Variants in INTS7 observed in about 807,000 individuals in gnomAD.
INTS7 encodes the protein integrator complex subunit 7, also known as chromosome 1 open reading frame 73.
INTS7 carries 46 observed loss-of-function variants against 109.2 expected under a neutral mutation model. The observed-to-expected ratio is 0.42, with a 90% CI of 0.33 to 0.54. INTS7 has a LOEUF of 0.54. INTS7 is among the 20% of genes least tolerant of loss of function. INTS7 has a pLI of 0.07. For missense variants in INTS7, 929 were observed against 1,132.4 expected (o/e 0.82, Z 2.58); for synonymous variants, 412 against 402.9 (o/e 1.02, Z -0.27).
At chr1:211,991,536 T>C (rs1199863168) in intron 7 of INTS7, among the ~76,000 whole-genome samples, 1 of 152,228 alleles carries the variant, frequency 6.6e-6, no homozygotes, top group Non-Finnish European at 1.5e-5. Flanking sequence ...TTTTGTAGTT[T>C]TGGAATTTTG....
At chr1:212,008,786 A>G (rs1435363805) in intron 5 of INTS7, among the ~76,000 whole-genome samples, 2 of 152,210 alleles carry the variant, frequency 1.3e-5, no homozygotes, top group African/African-American at 4.8e-5. Flanking sequence ...TATTAGTGAA[A>G]GGATTCTATC....
Position 211,966,996 on chromosome 1 carries a change from A to T in INTS7, c.2115-498T>A, listed in dbSNP as rs137967155. Among the ~76,000 whole-genome samples, 816 of 152,284 alleles carry T rather than the reference A, an allele frequency of 5.4e-3. 4 individuals are homozygous for T. The highest frequency in any genetic ancestry group is 0.019 in the African/African-American group (773 of 41,558). ...ATTTTGGGTGTCTCTGTATATATGC[A>T]TTTTGTAGGGCAGAGGGCCCATAGC... On this transcript the variant is annotated intron_variant, in intron 15 of 19. Transcript: ENST00000366994.
In INTS7 at chr1:212,035,499, C is replaced by A; in HGVS notation, c.-62G>T. The A allele has an allele frequency of 8.3e-7, 1 of 1,211,262 alleles. No homozygotes were observed. Among genetic ancestry groups the A allele is most frequent in the Non-Finnish European group, 1.2e-6 (1 of 814,136 alleles). 75.0% of individuals were successfully genotyped at this position (1,211,262 alleles called of 1,614,324 possible). A position where few individuals can be genotyped will look rare whatever the true frequency, so the allele number is the denominator to read the frequency against. On this transcript the variant is annotated 5_prime_UTR_variant, in exon 1 of 20. It removes an upstream start codon present in the reference 5' UTR. Coordinates refer to ENST00000366994, the MANE Select transcript of INTS7 (RefSeq NM_015434.4). ...CTTGCAAACTCTACCCCAGGACCGCCATCTTCCCCCGCCGCCTTCTTGCTG... is the reference window on the plus strand; with the variant it reads ...CTTGCAAACTCTACCCCAGGACCGCAATCTTCCCCCGCCGCCTTCTTGCTG...
chr1:212,029,745 G>A (rs1277315921), intron 1 of INTS7, among the ~76,000 whole-genome samples: 1 of 152,212 alleles, frequency 6.6e-6, no homozygotes, highest in Non-Finnish European at 1.5e-5. Flanking sequence ...TTAGCTAAGA[G>A]ATGAGGATGA....
intron 17 of INTS7, among the ~76,000 whole-genome samples, chr1:211,948,040 C>G (rs1662918531): frequency 6.6e-6 from 1 of 152,208 alleles, no homozygotes; most frequent in East Asian, 1.9e-4. Flanking sequence ...TTTTTCCCAC[C>G]AGCCTGATTG....
At chr1:212,000,417 C>A (rs1665612842) in intron 7 of INTS7, among the ~76,000 whole-genome samples, 1 of 152,152 alleles carries the variant, frequency 6.6e-6, no homozygotes, top group African/African-American at 2.4e-5. Flanking sequence ...ACAGAAAATT[C>A]TGTTATACTT....
chr1:211,947,503 T>C (rs966685583), intron 17 of INTS7, among the ~76,000 whole-genome samples: 17 of 152,184 alleles, frequency 1.1e-4, no homozygotes, highest in Non-Finnish European at 2.2e-4. Flanking sequence ...TTCCTCAGTC[T>C]ACTCCCGTCT....
intron 13 of INTS7, 33 bp downstream of exon 13, chr1:211,975,133 C>A: frequency 6.9e-7 from 1 of 1,455,762 alleles, no homozygotes; most frequent in South Asian, 1.2e-5. Context: ...TCACATAAAT[C>A]ATCACCACCA....
At chr1:211,961,059 C>A (rs183285232) in intron 16 of INTS7, among the ~76,000 whole-genome samples, 157 of 150,980 alleles carry the variant, frequency 1.0e-3, no homozygotes, top group Non-Finnish European at 1.9e-3. Context: ...AAGGAATGAA[C>A]AAAACCTCCG....
At chr1:211,944,670 T>C (rs1188442133) in intron 19 of INTS7, 114 bp downstream of exon 19, 2 of 821,418 alleles carry the variant, frequency 2.4e-6, no homozygotes, top group East Asian at 2.5e-5. Context: ...TATGTCCATC[T>C]GATCCCTTTG....
intron 3 of INTS7, among the ~76,000 whole-genome samples, chr1:212,018,389 G>T (rs1666534342): frequency 6.6e-6 from 1 of 151,834 alleles, no homozygotes; most frequent in African/African-American, 2.4e-5. Flanking sequence ...CATGGAAAAT[G>T]ATTAACATTC....
chr1:211,972,466 T>C (rs1664223747), intron 13 of INTS7, among the ~76,000 whole-genome samples: 1 of 152,180 alleles, frequency 6.6e-6, no homozygotes, highest in Admixed American at 6.5e-5. Context: ...AAATTTTGAA[T>C]TAGGGAGGTT....
intron 15 of INTS7, among the ~76,000 whole-genome samples, chr1:211,966,977 G>A (rs1054369968): frequency 8.5e-5 from 13 of 152,050 alleles, no homozygotes; most frequent in African/African-American, 3.1e-4. Flanking sequence ...GCACATTTTG[G>A]GTGTCTCTGT....
rs1422947415 is a variant in INTS7 at position 211,959,545 on chromosome 1, C to T, written c.2184-6844G>A. Among the ~76,000 whole-genome samples, 1 of 152,174 alleles carries T rather than the reference C, an allele frequency of 6.6e-6. No individual in the cohort carries two copies. Among genetic ancestry groups the T allele is most frequent in the African/African-American group, 2.4e-5 (1 of 41,438 alleles). On this transcript the variant is annotated intron_variant, in intron 16 of 19. Coordinates refer to ENST00000366994, the MANE Select transcript of INTS7 (RefSeq NM_015434.4). The surrounding 1 kb of genome is among the most constrained non-coding windows in gnomAD (Gnocchi z 4.2). ...GGGCCCATGGCCACCCTCGACATTG[C>T]TTTGCCTGCGTGTGCATGGGCAGAT...
chr1:211,975,854 G>C (rs1418866298), intron 12 of INTS7, among the ~76,000 whole-genome samples: 1 of 152,104 alleles, frequency 6.6e-6, no homozygotes, highest in Non-Finnish European at 1.5e-5. Flanking sequence ...CCAAGAGTGT[G>C]TGCTTCTCCC....
At position 211,946,557 on chromosome 1, in the gene INTS7, G is replaced by T; in HGVS notation, c.2415+50C>A. ...GCTATGTCCTACATAATCTTCAGAA[G>T]ACACCTGGTTTTAAAACCTATATTA... On this transcript the variant is annotated intron_variant, in intron 18 of 19. Coordinates refer to ENST00000366994, the MANE Select transcript of INTS7 (RefSeq NM_015434.4). The surrounding 1 kb of genome is among the most constrained non-coding windows in gnomAD (Gnocchi z 4.3). 1 of 1,059,762 alleles carries T rather than the reference G, an allele frequency of 9.4e-7. No homozygotes were observed. The highest frequency in any genetic ancestry group is 1.5e-6 in the Non-Finnish European group (1 of 684,170). 65.6% of individuals were successfully genotyped at this position (1,059,762 alleles called of 1,614,324 possible).
At chr1:212,031,519 A>G (rs1558063162) in intron 1 of INTS7, among the ~76,000 whole-genome samples, 1 of 151,762 alleles carries the variant, frequency 6.6e-6, no homozygotes, top group Non-Finnish European at 1.5e-5. Context: ...ACAACTTTCA[A>G]TGCCTTCCCA....
At position 211,941,551 on chromosome 1, in the gene INTS7, G is replaced by A. The variant is rs1662630310; in HGVS notation, c.*273C>T. The A allele has an allele frequency of 2.8e-6, 1 of 358,914 alleles. No individual in the cohort carries two copies. Among genetic ancestry groups the A allele is most frequent in the East Asian group, 5.5e-5 (1 of 18,212 alleles). 22.2% of individuals were successfully genotyped at this position (358,914 alleles called of 1,614,324 possible). A position where few individuals can be genotyped will look rare whatever the true frequency, so the allele number is the denominator to read the frequency against. ...TTTTTTGTATTTTTTAGTGGAGACG[G>A]GGTTTCACTGTGTTAGCCAGGATGG... is the stretch of plus-strand genomic sequence containing the variant. On this transcript the variant is annotated 3_prime_UTR_variant, in exon 20 of 20. Coordinates refer to ENST00000366994, the MANE Select transcript of INTS7 (RefSeq NM_015434.4).
rs902274603 is a variant in INTS7, at chr1:211,959,648, C to T, written c.2183+6782G>A. Among the ~76,000 whole-genome samples the T allele has an allele frequency of 1.3e-5, 2 of 152,142 alleles. No individual in the cohort carries two copies. The highest frequency in any genetic ancestry group is 6.5e-5 in the Admixed American group (1 of 15,274). On this transcript the variant is annotated intron_variant, in intron 16 of 19. Transcript: ENST00000366994. The surrounding 1 kb of genome is among the most constrained non-coding windows in gnomAD (Gnocchi z 4.2). ...TGGTGCATTCTGCCCCCATTACCCC[C>T]GCATTACCGCCATTGCATTTGGAGC...
Sources: allele counts gnomAD v4.1 joint callset (sites outside exome capture counted in the v4.1 genomes callset), GRCh38; gene constraint gnomAD v4.1.1; non-coding constraint Gnocchi (gnomAD v3.1); transcripts MANE v1.5; gene names NCBI Gene and HGNC (gene_info 2026-07-23, HGNC 2026-07-21).